The following RECK variants were observed in gnomAD, a reference collection of about 807,000 sequenced individuals.
RECK encodes the protein reversion-inducing cysteine-rich protein with Kazal motifs.
A neutral mutation model predicts 115.1 loss-of-function variants in RECK; 69 were observed. The observed-to-expected ratio is 0.60, with a 90% confidence interval of 0.49 to 0.73. RECK has a LOEUF of 0.73. RECK is among the 30% of genes least tolerant of loss of function. The pLI is 0.00. For missense variants in RECK, 1,047 were observed against 1,203.7 expected, an observed-to-expected ratio of 0.87 and a Z score of 1.93; for synonymous variants, 414 against 419.7, an observed-to-expected ratio of 0.99 and a Z score of 0.17.
intron 1 of RECK, among the ~76,000 whole-genome samples, chr9:36,046,477 G>C (rs1821076431): frequency 1.3e-5 from 2 of 152,232 alleles, no homozygotes; most frequent in Admixed American, 1.3e-4. Flanking sequence ...AGAAAAATGT[G>C]TGCAGATACA....
At chr9:36,077,211 A>G (rs1051060219) in intron 6 of RECK, among the ~76,000 whole-genome samples, 1 of 152,146 alleles carries the variant, frequency 6.6e-6, no homozygotes, top group African/African-American at 2.4e-5. Context: ...AAGAGGCTCC[A>G]TAGGAGTGAA....
chr9:36,104,931 C>T (rs1217126044), intron 12 of RECK, among the ~76,000 whole-genome samples: 1 of 151,722 alleles, frequency 6.6e-6, no homozygotes, highest in South Asian at 2.1e-4. Context: ...TTGTAGATCC[C>T]AATAAATTTA....
chr9:36,113,531 A>G (rs771765852), intron 16 of RECK, among the ~76,000 whole-genome samples: 5 of 152,220 alleles, frequency 3.3e-5, no homozygotes, highest in Non-Finnish European at 7.4e-5. Flanking sequence ...CATTTGTTTT[A>G]TCCATTGGCT....
In RECK at chr9:36,108,164, A is replaced by C. The variant is rs1823895814; in HGVS notation, c.1765A>C (p.Ser589Arg). ...KSCIVGGKRKSHGTSFSIDCN... is the reference protein window; with the variant it reads ...KSCIVGGKRKRHGTSFSIDCN... Reference sequence around the variant, plus strand: ...TTGTATTGTTGGAGGAAAAAGAAAAAGTGAGTCTTAAGCTCTGATTTTGTT... The same window carrying C: ...TTGTATTGTTGGAGGAAAAAGAAAACGTGAGTCTTAAGCTCTGATTTTGTT... Residue 589 changes from serine to arginine, a missense_variant and splice_region_variant, in exon 14 of 21, where the codon AGT (serine) becomes CGT (arginine). Transcript: ENST00000377966. The C allele has an allele frequency of 1.3e-6, 2 of 1,581,678 alleles. No homozygotes were observed. The highest frequency in any genetic ancestry group is 2.7e-5 in the African/African-American group (2 of 72,922).
Position 36,102,234 on chromosome 9 carries a change from A to C in RECK, c.1435+4A>C, listed in dbSNP as rs578054748. On this transcript the variant is annotated splice_donor_region_variant and intron_variant, in intron 12 of 20. Coordinates refer to ENST00000377966, the MANE Select transcript of RECK (RefSeq NM_021111.3). ...ATACCTTTGGATACATACCTCAGTA[A>C]GTACTTTTTTGTATGTGTGTTTTTA... is the stretch of plus-strand genomic sequence containing the variant. 1 of 1,591,394 alleles carries C rather than the reference A, an allele frequency of 6.3e-7. No homozygotes were observed. The highest frequency in any genetic ancestry group is 1.2e-5 in the South Asian group (1 of 86,562).
chr9:36,057,072 T>C (rs1821556399), intron 2 of RECK: 1 of 950,050 alleles, frequency 1.1e-6, no homozygotes, highest in South Asian at 4.8e-5. Flanking sequence ...AAACACCAAA[T>C]TGTAATTGCA....
intron 8 of RECK, chr9:36,085,779 G>A (rs533490922): frequency 6.6e-6 from 1 of 152,220 alleles, no homozygotes; most frequent in South Asian, 2.1e-4. Context: ...TAGCAGTACT[G>A]TGTGCCTTGT....
At chr9:36,098,114 T>C (rs994513251) in intron 10 of RECK, among the ~76,000 whole-genome samples, 3 of 152,100 alleles carry the variant, frequency 2.0e-5, no homozygotes, top group African/African-American at 7.2e-5. Flanking sequence ...AAAATTTTAT[T>C]TAGACAAAAG....
chr9:36,118,995 G>A, intron 18 of RECK, 28 bp downstream of exon 18: 1 of 1,600,794 alleles, frequency 6.2e-7, no homozygotes, highest in Non-Finnish European at 8.5e-7. Context: ...GGGTGGACAG[G>A]GGAGGACTGA....
intron 1 of RECK, among the ~76,000 whole-genome samples, chr9:36,049,868 C>A (rs1292232686): frequency 1.3e-5 from 2 of 152,230 alleles, no homozygotes; most frequent in Non-Finnish European, 2.9e-5. Context: ...TATTTAAGGT[C>A]ATCATCAATA....
Position 36,091,382 on chromosome 9 carries a change from T to C in RECK, c.1085+39T>C, listed in dbSNP as rs1823150307. 3.8e-6 allele frequency: 5 copies of C among 1,332,416 alleles called. No individual in the cohort carries two copies. In the Admixed American group the frequency reaches 7.9e-5, roughly 21 times the overall value. The allele number at this position is 1,332,416 out of a possible 1,614,324, so 82.5% of individuals were successfully genotyped here. ...TTATACATGGAATGGAAATATTTTA[T>C]CATTAATTATAAATAAGTGAAATAC... On this transcript the variant is annotated intron_variant, in intron 10 of 20. Coordinates refer to ENST00000377966, the MANE Select transcript of RECK (RefSeq NM_021111.3).
Position 36,123,030 on chromosome 9 carries a change from CT to C in RECK, c.2902del (p.Trp968GlyfsTer31). The C allele has an allele frequency of 6.2e-7, 1 of 1,613,916 alleles. No homozygotes were observed. The highest frequency in any genetic ancestry group is 1.1e-5 in the South Asian group (1 of 91,058). ...LSLGLALHLL[W>X]TYN ...GCTTGGGCCTTGCCTTGCACTTGCT[CT>C]GGACATATAACTGACTGCCCACGGA... On this transcript the variant is annotated frameshift_variant, in exon 21 of 21. Transcript: ENST00000377966. LOFTEE classifies it high-confidence loss of function.
intron 11 of RECK, 134 bp from the exon 12 acceptor site, chr9:36,101,960 G>A: frequency 1.2e-6 from 1 of 818,010 alleles, no homozygotes; most frequent in Non-Finnish European, 1.9e-6. Context: ...GCTCTCCTGT[G>A]ACTCTTGTTC....
rs186976385 is a variant in RECK at position 36,049,298 on chromosome 9, C to G, written c.101-2967C>G. ...TGGTTGAGATCAATCTGCAATCCCC[C>G]TTCAATCCCTGGAAGTTGGGAGATC... On this transcript the variant is annotated intron_variant, in intron 1 of 20. Coordinates refer to ENST00000377966, the MANE Select transcript of RECK (RefSeq NM_021111.3). Among the ~76,000 whole-genome samples the G allele has an allele frequency of 4.2e-3, 638 of 152,236 alleles. 4 individuals carry two copies. Among genetic ancestry groups the G allele is most frequent in the African/African-American group, 0.014 (602 of 41,518 alleles).
At chr9:36,099,069 T>C (rs796926369) in intron 10 of RECK, among the ~76,000 whole-genome samples, 8 of 151,716 alleles carry the variant, frequency 5.3e-5, no homozygotes, top group African/African-American at 1.9e-4. Context: ...CTAAAGAAAA[T>C]ACAAAAATTA....
chr9:36,069,396 T>C (rs1209420817), intron 6 of RECK, among the ~76,000 whole-genome samples: 2 of 142,890 alleles, frequency 1.4e-5, no homozygotes, highest in African/African-American at 5.3e-5. Context: ...AAAAATTAGC[T>C]GGGTGTGGTG....
At chr9:36,065,214 G>C (rs1413703562) in intron 5 of RECK, among the ~76,000 whole-genome samples, 1 of 106,356 alleles carries the variant, frequency 9.4e-6, no homozygotes, top group Non-Finnish European at 1.8e-5. Context: ...ATTTGCTACA[G>C]AGTGGAATTC....
chr9:36,065,999 C>T (rs1022487929), intron 6 of RECK, among the ~76,000 whole-genome samples: 3 of 152,084 alleles, frequency 2.0e-5, no homozygotes, highest in Admixed American at 6.5e-5. Context: ...TATAAACTAC[C>T]TCTAATCATA....
intron 12 of RECK, among the ~76,000 whole-genome samples, chr9:36,104,375 T>G (rs1823716573): frequency 7.9e-6 from 1 of 126,594 alleles, no homozygotes; most frequent in Admixed American, 8.4e-5. Flanking sequence ...AGATGGAATC[T>G]TACTCTGTTG....
Sources: allele counts gnomAD v4.1 joint callset (sites outside exome capture counted in the v4.1 genomes callset), GRCh38; gene constraint gnomAD v4.1.1; transcripts MANE v1.5; gene names NCBI Gene and HGNC (gene_info 2026-07-23, HGNC 2026-07-21).